NEK10: variants seen among roughly 807,000 people sequenced by gnomAD.
The protein encoded by NEK10 is serine/threonine-protein kinase Nek10.
Under a neutral mutation model 159.8 loss-of-function variants are expected in NEK10, and 122 were observed. The ratio of observed to expected loss-of-function variants is 0.76; its 90% CI spans 0.66 to 0.89. The LOEUF is 0.89. Ranked by LOEUF, NEK10 falls within the 40% of genes least tolerant of loss-of-function variation. The probability of loss-of-function intolerance (pLI) is 0.00; values close to 1 mark genes in which losing one functional copy is unlikely to be tolerated. For synonymous variants in NEK10, 466 were observed against 457.1 expected (o/e 1.02, Z -0.25); for missense variants, 1,342 against 1,323.1 (o/e 1.01, Z -0.22).
At chr3:27,216,924 A>G (rs764347935) in intron 23 of NEK10, among the ~76,000 whole-genome samples, 1 of 152,224 alleles carries the variant, frequency 6.6e-6, no homozygotes, top group Non-Finnish European at 1.5e-5. Flanking sequence ...AATTTATTCT[A>G]AACTATAATT....
intron 23 of NEK10, among the ~76,000 whole-genome samples, chr3:27,222,005 G>C (rs1221870752): frequency 1.3e-5 from 2 of 152,164 alleles, no homozygotes; most frequent in Non-Finnish European, 2.9e-5. Flanking sequence ...TCCAGATAGT[G>C]GTTACCTCTG....
At chr3:27,117,867 G>C (rs1940705678) in intron 33 of NEK10, among the ~76,000 whole-genome samples, 1 of 152,030 alleles carries the variant, frequency 6.6e-6, no homozygotes, top group Non-Finnish European at 1.5e-5. Flanking sequence ...ATTGCTTTTG[G>C]CATTTTCGTC....
In NEK10 at chr3:27,208,547, T is replaced by A. The variant is rs1017994833; in HGVS notation, c.2091-5990A>T. ...CCCACTAATGTGGTGATCAGGGAAATGAGAAGATGAAAGCCACAGGACTTC... is the reference window on the plus strand; with the variant it reads ...CCCACTAATGTGGTGATCAGGGAAAAGAGAAGATGAAAGCCACAGGACTTC... On this transcript the variant is annotated intron_variant, in intron 23 of 35. Transcript: ENST00000691995. Among the ~76,000 whole-genome samples the A allele has an allele frequency of 2.6e-5, 4 of 151,896 alleles. 1 individual carries two copies. Among genetic ancestry groups the A allele is most frequent in the Non-Finnish European group, 5.9e-5 (4 of 67,982 alleles).
chr3:27,284,609 T>C lies in NEK10; in HGVS notation c.2007A>G (p.Val669=). The change falls in exon 22 of 36, where the codon GTA becomes GTG. Residue 669 remains valine (V), a synonymous_variant. Transcript: ENST00000691995. ...AAAAATCTTTATACTTACTAACGGT[T>C]ACTTTGTCCTTATCCCCCAACATAA... is the stretch of plus-strand genomic sequence containing the variant. The part of the protein sequence containing the change: ...NNIMLGDKDK[V]TVTDFGLAKQ... 1.3e-6 allele frequency: 2 copies of C among 1,549,534 alleles called. No homozygotes were observed. The highest frequency in any genetic ancestry group is 1.8e-6 in the Non-Finnish European group (2 of 1,121,284).
intron 22 of NEK10, among the ~76,000 whole-genome samples, chr3:27,277,015 T>C (rs1265207717): frequency 6.6e-6 from 1 of 152,160 alleles, no homozygotes; most frequent in African/African-American, 2.4e-5. Flanking sequence ...ATAAGAAGGC[T>C]AATGGAGACC....
chr3:27,179,756 C>T (rs1195058444), intron 26 of NEK10, among the ~76,000 whole-genome samples: 1 of 152,036 alleles, frequency 6.6e-6, no homozygotes, highest in Non-Finnish European at 1.5e-5. Context: ...CAAATGAGGC[C>T]AGGATCAGGT....
chr3:27,242,095 T>C (rs1954617891), intron 23 of NEK10, among the ~76,000 whole-genome samples: 1 of 152,194 alleles, frequency 6.6e-6, no homozygotes, highest in South Asian at 2.1e-4. Flanking sequence ...ACATGCATAC[T>C]AGAATTGTTC....
rs866085189 is a variant in NEK10 at position 27,307,784 on chromosome 3, G to A, written c.803+75C>T. ...TCAGTTACAATGTAAATAACATGAC[G>A]TAATAAAAATAATAACAAGTGTATC... On this transcript the variant is annotated intron_variant, in intron 11 of 35. Coordinates refer to ENST00000691995, the MANE Select transcript of NEK10 (RefSeq NM_001394966.1). 6.2e-5 allele frequency: 47 copies of A among 762,146 alleles called. No individual in the cohort carries two copies. The Middle Eastern group carries it at 7.2e-4, about 12-fold the overall frequency. 47.2% of individuals were successfully genotyped at this position (762,146 alleles called of 1,614,324 possible).
chr3:27,146,625 G>A (rs1276032492), intron 30 of NEK10, among the ~76,000 whole-genome samples: 1 of 152,172 alleles, frequency 6.6e-6, no homozygotes, highest in African/African-American at 2.4e-5. Context: ...ATCTGTAAGT[G>A]TTCAGCAATC....
intron 23 of NEK10, among the ~76,000 whole-genome samples, chr3:27,231,769 C>T (rs991531430): frequency 2.6e-5 from 4 of 151,612 alleles, no homozygotes; most frequent in Non-Finnish European, 3.0e-5. Context: ...ATCTTGGAAA[C>T]ATACAACTCT....
intron 26 of NEK10, among the ~76,000 whole-genome samples, chr3:27,190,092 C>T (rs1471867214): frequency 1.3e-5 from 2 of 152,118 alleles, no homozygotes; most frequent in Non-Finnish European, 2.9e-5. Flanking sequence ...ACAATTTATG[C>T]CACTTTTAAA....
chr3:27,193,252 T>C (rs1949265337), intron 25 of NEK10, among the ~76,000 whole-genome samples: 1 of 152,218 alleles, frequency 6.6e-6, no homozygotes, highest in African/African-American at 2.4e-5. Flanking sequence ...CCACAGCTAT[T>C]TGGCTATTAC....
intron 24 of NEK10, among the ~76,000 whole-genome samples, chr3:27,201,894 C>T (rs985382349): frequency 6.6e-6 from 1 of 152,094 alleles, no homozygotes; most frequent in Non-Finnish European, 1.5e-5. Context: ...CGCAGTGGCT[C>T]ACGTCTATAA....
Position 27,284,600 on chromosome 3 carries a change from A to T in NEK10, c.2014+2T>A. On this transcript the variant is annotated splice_donor_variant, in intron 22 of 35. Transcript: ENST00000691995. LOFTEE classifies it high-confidence loss of function. ...TAAAAGTTTAAAAATCTTTATACTTACTAACGGTTACTTTGTCCTTATCCC... is the reference window on the plus strand; with the variant it reads ...TAAAAGTTTAAAAATCTTTATACTTTCTAACGGTTACTTTGTCCTTATCCC... The T allele has an allele frequency of 6.7e-7, 1 of 1,495,900 alleles. No individual in the cohort carries two copies. Among genetic ancestry groups the T allele is most frequent in the African/African-American group, 1.4e-5 (1 of 72,576 alleles). 92.7% of individuals were successfully genotyped at this position (1,495,900 alleles called of 1,614,324 possible).
chr3:27,192,557 G>A (rs1949211008), intron 25 of NEK10, among the ~76,000 whole-genome samples: 1 of 149,920 alleles, frequency 6.7e-6, no homozygotes, highest in Non-Finnish European at 1.5e-5. Context: ...TGCATGGGTT[G>A]GCTGCTTTCT....
chr3:27,293,601 G>T lies in NEK10; in HGVS notation c.1360C>A (p.Pro454Thr). ...CTAACCTCATACCTTTTAAAGAGTG[G>T]TCTGTTTCTTTCCATACTGAAGAGA... ...RFLFSMERNR[P>T]LFKRLFPTDL... The change falls in exon 16 of 36, where the codon CCA becomes ACA. Residue 454 changes from proline to threonine, a missense_variant. Pro to Thr is a conservative substitution (Grantham distance 38, BLOSUM62 -1). Transcript: ENST00000691995. 1.3e-6 allele frequency: 2 copies of T among 1,554,998 alleles called. No homozygotes were observed. Among genetic ancestry groups the T allele is most frequent in the Non-Finnish European group, 1.8e-6 (2 of 1,129,556 alleles).
intron 12 of NEK10, among the ~76,000 whole-genome samples, chr3:27,302,228 C>T (rs918135458): frequency 1.3e-5 from 2 of 152,092 alleles, no homozygotes; most frequent in Non-Finnish European, 2.9e-5. Flanking sequence ...ATGTTTGGCC[C>T]TTTTCATTTT....
chr3:27,339,462 T>C (rs1480189726), intron 5 of NEK10, among the ~76,000 whole-genome samples: 2 of 152,178 alleles, frequency 1.3e-5, no homozygotes, highest in Non-Finnish European at 2.9e-5. Context: ...TCATCATCAC[T>C]GGTCATTAGA....
At chr3:27,125,703 C>T (rs988167372) in intron 32 of NEK10, among the ~76,000 whole-genome samples, 8 of 152,136 alleles carry the variant, frequency 5.3e-5, no homozygotes, top group Non-Finnish European at 8.8e-5. Context: ...ACATGCATGG[C>T]CCATCACTGG....
Sources: allele counts gnomAD v4.1 joint callset (sites outside exome capture counted in the v4.1 genomes callset), GRCh38; gene constraint gnomAD v4.1.1; transcripts MANE v1.5; gene names NCBI Gene and HGNC (gene_info 2026-07-23, HGNC 2026-07-21).